The following SPTLC3 variants were observed in gnomAD, a reference collection of about 807,000 sequenced individuals.
SPTLC3 encodes the protein serine palmitoyltransferase 3.
Under a neutral mutation model 59.3 loss-of-function variants are expected in SPTLC3, and 36 were observed. That is an observed-to-expected ratio of 0.61 (90% confidence interval 0.47 to 0.80). SPTLC3 has a LOEUF of 0.80. Among genes scored for constraint, SPTLC3 ranks in the 30% least tolerant of loss-of-function variants. The pLI, the probability that SPTLC3 is intolerant of heterozygous loss-of-function variation, is 0.00. For synonymous variants in SPTLC3, 257 were observed against 240.8 expected (o/e 1.07, Z -0.62); for missense variants, 625 against 685.1 (o/e 0.91, Z 0.98).
At chr20:13,068,993 G>A (rs902680228) in intron 2 of SPTLC3, among the ~76,000 whole-genome samples, 8 of 152,088 alleles carry the variant, frequency 5.3e-5, no homozygotes, top group Admixed American at 5.2e-4. Context: ...AGGCAGAGAG[G>A]TTAGACAGGA....
At chr20:13,136,845 C>CA (rs1160851257) in intron 9 of SPTLC3, among the ~76,000 whole-genome samples, 5 of 151,158 alleles carry the variant, frequency 3.3e-5, no homozygotes, top group African/African-American at 4.9e-5. Flanking sequence ...ATTATTGCTG[C>CA]AAAAAAGGTC....
At chr20:13,072,694 A>G (rs1988490255) in intron 3 of SPTLC3, among the ~76,000 whole-genome samples, 1 of 152,162 alleles carries the variant, frequency 6.6e-6, no homozygotes, top group Non-Finnish European at 1.5e-5. Flanking sequence ...TTTATTGACA[A>G]ATTCTACTCT....
intron 5 of SPTLC3, among the ~76,000 whole-genome samples, chr20:13,092,987 G>A (rs1989281341): frequency 6.6e-6 from 1 of 152,138 alleles, no homozygotes; most frequent in South Asian, 2.1e-4. Context: ...GTTTTTGACT[G>A]TAAAACTGAA....
chr20:13,103,561 A>T (rs1989703192), intron 6 of SPTLC3, among the ~76,000 whole-genome samples: 1 of 152,220 alleles, frequency 6.6e-6, no homozygotes, highest in Admixed American at 6.5e-5. Context: ...GAGAGTAGGG[A>T]ACCAAAGGGT....
At chr20:13,126,935 T>C (rs1379702765) in intron 9 of SPTLC3, among the ~76,000 whole-genome samples, 1 of 152,250 alleles carries the variant, frequency 6.6e-6, no homozygotes, top group East Asian at 1.9e-4. Flanking sequence ...GAACAGCAAA[T>C]TTCGATAATT....
At chr20:13,049,986 G>C (rs1453398170) in intron 2 of SPTLC3, 1 of 152,042 alleles carries the variant, frequency 6.6e-6, no homozygotes, top group African/African-American at 2.4e-5. Context: ...AAATGAGAAG[G>C]AACCAGAAAA....
chr20:13,034,413 C>T (rs1157288493), intron 1 of SPTLC3, among the ~76,000 whole-genome samples: 3 of 152,168 alleles, frequency 2.0e-5, no homozygotes, highest in African/African-American at 7.2e-5. Flanking sequence ...AAATCCCCAG[C>T]ACAGGGCAAA....
At chr20:13,048,809 A>G in intron 1 of SPTLC3, 136 bp from the exon 2 acceptor site, 1 of 764,660 alleles carries the variant, frequency 1.3e-6, no homozygotes, top group Non-Finnish European at 2.0e-6. Context: ...ACCCTCTTCA[A>G]TGGTCAGTTT....
intron 6 of SPTLC3, among the ~76,000 whole-genome samples, chr20:13,106,958 G>A (rs1046365879): frequency 2.6e-5 from 4 of 152,204 alleles, no homozygotes; most frequent in Admixed American, 1.3e-4. Context: ...GGAAAGGACT[G>A]CAAAGTCACA....
chr20:13,044,739 T>C (rs1043210027), intron 1 of SPTLC3, among the ~76,000 whole-genome samples: 3 of 152,158 alleles, frequency 2.0e-5, no homozygotes, highest in African/African-American at 4.8e-5. Flanking sequence ...TGACCTTTAC[T>C]AGCCCCACTT....
intron 8 of SPTLC3, among the ~76,000 whole-genome samples, chr20:13,122,507 G>A (rs947274256): frequency 6.6e-6 from 1 of 152,148 alleles, no homozygotes; most frequent in Non-Finnish European, 1.5e-5. Flanking sequence ...CTAAGGGTGG[G>A]GCTCCAGAGC....
intron 1 of SPTLC3, among the ~76,000 whole-genome samples, chr20:13,024,582 A>T (rs572980406): frequency 6.6e-6 from 1 of 152,184 alleles, no homozygotes. Flanking sequence ...ATATCATTCA[A>T]TGAGTTTTGA....
At chr20:13,148,664 T>C (rs2038572711) in intron 9 of SPTLC3, among the ~76,000 whole-genome samples, 2 of 152,168 alleles carry the variant, frequency 1.3e-5, no homozygotes, top group Admixed American at 1.3e-4. Context: ...TGCATGGCCC[T>C]AGGGGTGGAC....
chr20:13,134,200 A>G (rs1485248575), intron 9 of SPTLC3, among the ~76,000 whole-genome samples: 1 of 152,190 alleles, frequency 6.6e-6, no homozygotes, highest in East Asian at 1.9e-4. Context: ...TTGGAAAGAA[A>G]TGTGTTAAGT....
intron 1 of SPTLC3, among the ~76,000 whole-genome samples, chr20:13,022,136 C>T (rs1182056765): frequency 6.6e-6 from 1 of 152,182 alleles, no homozygotes; most frequent in Non-Finnish European, 1.5e-5. Context: ...TAAATGGCAA[C>T]TCTATCCTTC....
chr20:13,034,004 G>C (rs887711477), intron 1 of SPTLC3, among the ~76,000 whole-genome samples: 11 of 152,090 alleles, frequency 7.2e-5, no homozygotes, highest in Non-Finnish European at 1.6e-4. Flanking sequence ...ATGAAGAAAG[G>C]CTAGGAAGGA....
Position 13,067,033 on chromosome 20 carries a change from TG to T in SPTLC3, c.304-5222del, listed in dbSNP as rs1174880724. On this transcript the variant is annotated intron_variant, in intron 2 of 11. Coordinates refer to ENST00000399002, the MANE Select transcript of SPTLC3 (RefSeq NM_018327.4). ...TTGTTCTGTTATGTTTATATAAAAA[TG>T]TCACTTCTACATATATATATATATA... 1.2e-4 allele frequency among the ~76,000 whole-genome samples: 6 copies of T among 48,614 alleles called. 2 individuals are homozygous for T. The highest frequency in any genetic ancestry group is 2.5e-4 in the Non-Finnish European group (5 of 20,058). The allele number at this position is 48,614 out of a possible 152,430, so 31.9% of individuals were successfully genotyped here.
At chr20:13,149,954 G>A (rs1426904740) in intron 9 of SPTLC3, among the ~76,000 whole-genome samples, 9 of 152,140 alleles carry the variant, frequency 5.9e-5, no homozygotes, top group Admixed American at 5.9e-4. Flanking sequence ...TCTTCAAGGG[G>A]GAACATGTAG....
At chr20:13,071,542 C>T (rs1475810576) in intron 2 of SPTLC3, among the ~76,000 whole-genome samples, 1 of 152,166 alleles carries the variant, frequency 6.6e-6, no homozygotes. Flanking sequence ...GTCAGATTTG[C>T]TTCAGCCTCA....
Sources: gnomAD v4.1 joint callset for allele counts (sites outside exome capture counted in the v4.1 genomes callset) on GRCh38, gnomAD v4.1.1 for gene constraint, MANE v1.5 for transcripts, NCBI Gene and HGNC (gene_info 2026-07-23, HGNC 2026-07-21) for gene names.